Variants in DPYD observed in about 807,000 individuals in gnomAD.
The protein encoded by DPYD is dihydropyrimidine dehydrogenase.
A neutral mutation model predicts 116.2 loss-of-function variants in DPYD; 109 were observed. The ratio of observed to expected loss-of-function variants is 0.94; its 90% confidence interval spans 0.80 to 1.10. The LOEUF is 1.10. DPYD is among the 50% of genes least tolerant of loss of function. The pLI, the probability that DPYD is intolerant of heterozygous loss-of-function variation, is 0.00. For missense variants in DPYD, 1,302 were observed against 1,254.5 expected (o/e 1.04, Z -0.57); for synonymous variants, 440 against 432.0 (o/e 1.02, Z -0.23).
At chr1:97,637,139 A>G (rs1657614353) in intron 8 of DPYD, among the ~76,000 whole-genome samples, 1 of 152,150 alleles carries the variant, frequency 6.6e-6, no homozygotes, top group Non-Finnish European at 1.5e-5. Context: ...GAAGAAGACT[A>G]AGAGTACAGC....
intron 18 of DPYD, among the ~76,000 whole-genome samples, chr1:97,278,120 A>G (rs1485259168): frequency 6.6e-6 from 1 of 152,212 alleles, no homozygotes; most frequent in Non-Finnish European, 1.5e-5. Flanking sequence ...CTGTTCCAGG[A>G]AATGCAAAGA....
chr1:97,862,858 G>A (rs1671189930), intron 2 of DPYD, among the ~76,000 whole-genome samples: 1 of 151,858 alleles, frequency 6.6e-6, no homozygotes, highest in South Asian at 2.1e-4. Flanking sequence ...TACCATGTAA[G>A]TGAATGAGAA....
intron 20 of DPYD, among the ~76,000 whole-genome samples, chr1:97,130,450 T>C (rs979828645): frequency 6.6e-6 from 1 of 152,172 alleles, no homozygotes; most frequent in African/African-American, 2.4e-5. Flanking sequence ...ATGTGATCTA[T>C]ATGTGATTGC....
At chr1:97,363,758 C>G (rs1670875343) in intron 16 of DPYD, among the ~76,000 whole-genome samples, 1 of 152,080 alleles carries the variant, frequency 6.6e-6, no homozygotes, top group African/African-American at 2.4e-5. Context: ...ACAATGAGAA[C>G]ACTTGGACAC....
intron 20 of DPYD, among the ~76,000 whole-genome samples, chr1:97,161,754 A>T (rs1655919254): frequency 8.7e-6 from 1 of 115,298 alleles, no homozygotes; most frequent in Non-Finnish European, 1.7e-5. Context: ...CCAGAGTGTG[A>T]TGTTCCCCTT....
intron 12 of DPYD, among the ~76,000 whole-genome samples, chr1:97,532,828 C>T (rs76954447): frequency 6.7e-6 from 1 of 148,948 alleles, no homozygotes; most frequent in Admixed American, 6.7e-5. Flanking sequence ...TGATTTTGTT[C>T]TATTGTATTT....
intron 21 of DPYD, among the ~76,000 whole-genome samples, chr1:97,090,283 G>A (rs926290374): frequency 7.2e-5 from 11 of 152,120 alleles, no homozygotes; most frequent in African/African-American, 2.7e-4. Context: ...AGAGACAGCA[G>A]AGGACAGTGC....
chr1:97,740,573 T>A (rs965685600), intron 3 of DPYD, 94 bp from the exon 4 acceptor site: 1 of 1,069,002 alleles, frequency 9.4e-7, no homozygotes, highest in Non-Finnish European at 1.4e-6. Flanking sequence ...GTCTAGTAAG[T>A]ATAAATAAAA....
At chr1:97,340,438 G>C (rs1396445688) in intron 16 of DPYD, among the ~76,000 whole-genome samples, 1 of 152,138 alleles carries the variant, frequency 6.6e-6, no homozygotes, top group Non-Finnish European at 1.5e-5. Context: ...GGGAGGCCAA[G>C]GTAGGAGGGC....
At chr1:97,463,310 C>G (rs982206476) in intron 13 of DPYD, among the ~76,000 whole-genome samples, 12 of 152,152 alleles carry the variant, frequency 7.9e-5, no homozygotes, top group Non-Finnish European at 1.2e-4. Context: ...AGAGGAGTTT[C>G]CCTGCACTCT....
At chr1:97,675,335 A>C (rs770735148) in intron 8 of DPYD, among the ~76,000 whole-genome samples, 1 of 152,202 alleles carries the variant, frequency 6.6e-6, no homozygotes, top group Non-Finnish European at 1.5e-5. Context: ...AAAACTTTAG[A>C]GTCTTTAACA....
chr1:97,589,806 CAA>C (rs1654381450), intron 10 of DPYD, among the ~76,000 whole-genome samples: 2 of 152,128 alleles, frequency 1.3e-5, no homozygotes, highest in African/African-American at 4.8e-5. Context: ...AAATTACACC[CAA>C]GAGTCCATGA....
intron 8 of DPYD, among the ~76,000 whole-genome samples, chr1:97,667,676 C>T (rs112318156): frequency 0.011 from 1,625 of 152,094 alleles, 32 homozygotes; most frequent in African/African-American, 0.037. Flanking sequence ...AAAAGTTAAA[C>T]AGAGTTGCCA....
intron 13 of DPYD, among the ~76,000 whole-genome samples, chr1:97,462,658 C>G (rs1489585729): frequency 6.6e-6 from 1 of 152,168 alleles, no homozygotes; most frequent in Non-Finnish European, 1.5e-5. Flanking sequence ...CAGCCTCACT[C>G]TAGTACAGCA....
Position 97,077,998 on chromosome 1 carries a change from CTAA to C in DPYD, c.*975_*977del, listed in dbSNP as rs1301977906. 2 of 152,016 alleles carry C rather than the reference CTAA, an allele frequency of 1.3e-5. No homozygotes were observed. The highest frequency in any genetic ancestry group is 2.4e-5 in the African/African-American group (1 of 41,396). The allele number at this position is 152,016 out of a possible 1,614,324, so 9.4% of individuals were successfully genotyped here. A position where few individuals can be genotyped will look rare whatever the true frequency, so the allele number is the denominator to read the frequency against. ...AAATAGAGAAATACAAAAATATTAT[CTAA>C]TAATAACAAAAAATATATTTCTTTT... On this transcript the variant is annotated 3_prime_UTR_variant, in exon 23 of 23. Transcript: ENST00000370192.
At chr1:97,382,845 G>A (rs980567967) in intron 14 of DPYD, among the ~76,000 whole-genome samples, 4 of 151,984 alleles carry the variant, frequency 2.6e-5, no homozygotes, top group African/African-American at 4.8e-5. Context: ...TTAAAATGCT[G>A]TTTGTAATTA....
At chr1:97,336,401 G>A (rs1391379926) in intron 16 of DPYD, among the ~76,000 whole-genome samples, 15 of 152,160 alleles carry the variant, frequency 9.9e-5, no homozygotes, top group Non-Finnish European at 2.2e-4. Flanking sequence ...TACCTACTAG[G>A]TTCTCAATAA....
Position 97,351,101 on chromosome 1 carries a change from A to C in DPYD, c.2058+22460T>G, listed in dbSNP as rs1670118658. Among the ~76,000 whole-genome samples, 6 of 152,282 alleles carry C rather than the reference A, an allele frequency of 3.9e-5. No individual in the cohort carries two copies. In the South Asian group the frequency reaches 1.2e-3, roughly 32 times the overall value. ...TAAGGAAGCAAGTGTCCCCGTTATC[A>C]CATTTGCTTATTTATTTTCAGTTTA... On this transcript the variant is annotated intron_variant, in intron 16 of 22. Coordinates refer to ENST00000370192, the MANE Select transcript of DPYD (RefSeq NM_000110.4).
chr1:97,454,993 A>G (rs1435227879), intron 13 of DPYD, among the ~76,000 whole-genome samples: 2 of 151,934 alleles, frequency 1.3e-5, no homozygotes, highest in Non-Finnish European at 2.9e-5. Flanking sequence ...AGTTCTAGAA[A>G]AATATATAGA....
Sources: gnomAD v4.1 joint callset for allele counts (sites outside exome capture counted in the v4.1 genomes callset) on GRCh38, gnomAD v4.1.1 for gene constraint, MANE v1.5 for transcripts, NCBI Gene and HGNC (gene_info 2026-07-23, HGNC 2026-07-21) for gene names.